The following SAR1B variants were observed in gnomAD, a reference collection of about 807,000 sequenced individuals.
SAR1B encodes the protein small COPII coat GTPase SAR1B.
A neutral mutation model predicts 26.8 loss-of-function variants in SAR1B; 23 were observed. The ratio of observed to expected loss-of-function variants is 0.86; its 90% CI spans 0.62 to 1.22. The LOEUF is 1.22. SAR1B is among the 50% of genes most tolerant of loss of function. The probability of loss-of-function intolerance (pLI) is 0.00; values close to 1 mark genes in which losing one functional copy is unlikely to be tolerated. For missense variants in SAR1B, 196 were observed against 232.8 expected (o/e 0.84, Z 1.03); for synonymous variants, 65 against 80.8 (o/e 0.80, Z 1.05).
intron 2 of SAR1B, among the ~76,000 whole-genome samples, chr5:134,622,862 C>G (rs1765433204): frequency 6.6e-6 from 1 of 151,548 alleles, no homozygotes; most frequent in African/African-American, 2.4e-5. Context: ...TGGCTCACGC[C>G]TGTAATCCTA....
chr5:134,625,504 G>C (rs756556864), intron 1 of SAR1B, among the ~76,000 whole-genome samples: 2 of 152,250 alleles, frequency 1.3e-5, no homozygotes, highest in South Asian at 4.2e-4. Flanking sequence ...TCAAAGGCAG[G>C]CTTCTCAACA....
Position 134,605,815 on chromosome 5 carries a change from T to C in SAR1B, c.*1135A>G, listed in dbSNP as rs959856322. ...TATGCCAAAGAATACAAAAGAGCTATAGGATAGGAACAAAATCTCCACATA... is the reference window on the plus strand; with the variant it reads ...TATGCCAAAGAATACAAAAGAGCTACAGGATAGGAACAAAATCTCCACATA... On this transcript the variant is annotated 3_prime_UTR_variant, in exon 7 of 7. Coordinates refer to ENST00000402673, the MANE Select transcript of SAR1B (RefSeq NM_016103.4). The C allele has an allele frequency of 2.0e-5, 3 of 152,188 alleles. No individual in the cohort carries two copies. Among genetic ancestry groups the C allele is most frequent in the East Asian group, 1.9e-4 (1 of 5,204 alleles). The allele number at this position is 152,188 out of a possible 1,614,324, so 9.4% of individuals were successfully genotyped here. A position where few individuals can be genotyped will look rare whatever the true frequency, so the allele number is the denominator to read the frequency against.
At chr5:134,618,967 C>T (rs566707849) in intron 3 of SAR1B, among the ~76,000 whole-genome samples, 1 of 149,732 alleles carries the variant, frequency 6.7e-6, no homozygotes, top group East Asian at 2.0e-4. Flanking sequence ...CACTGCACTT[C>T]AGCCTAGGCA....
At chr5:134,622,289 T>G (rs1765422566) in intron 2 of SAR1B, among the ~76,000 whole-genome samples, 1 of 152,182 alleles carries the variant, frequency 6.6e-6, no homozygotes, top group African/African-American at 2.4e-5. Flanking sequence ...CTTCTATGAC[T>G]GTCACTACTA....
Position 134,606,894 on chromosome 5 carries a change from A to C in SAR1B, c.*56T>G. Reference sequence around the variant, plus strand: ...TGAATTCAAGTTATGCATGTTGAGCAATCAAATCTCTGAGTAAGCCTGAAC... The same window carrying C: ...TGAATTCAAGTTATGCATGTTGAGCCATCAAATCTCTGAGTAAGCCTGAAC... On this transcript the variant is annotated 3_prime_UTR_variant, in exon 7 of 7. Coordinates refer to ENST00000402673, the MANE Select transcript of SAR1B (RefSeq NM_016103.4). 1 of 1,089,366 alleles carries C rather than the reference A, an allele frequency of 9.2e-7. No individual in the cohort carries two copies. Among genetic ancestry groups the C allele is most frequent in the South Asian group, 1.2e-5 (1 of 80,398 alleles). The allele number at this position is 1,089,366 out of a possible 1,614,324, so 67.5% of individuals were successfully genotyped here. A position where few individuals can be genotyped will look rare whatever the true frequency, so the allele number is the denominator to read the frequency against.
rs781218368 is a variant in SAR1B at position 134,630,889 on chromosome 5, C to CTTTTTTTTTTTTTTTTTTTTTTTTTT, written c.-19+1813_-19+1838dup. ...TTTCCTTTTCTATTTCTTTTTTTTT[C>CTTTTTTTTTTTTTTTTTTTTTTTTTT]TTTTTTTTTTTTTTTTTTTTTTTTT... On this transcript the variant is annotated intron_variant, in intron 1 of 6. Transcript: ENST00000402673. Among the ~76,000 whole-genome samples the CTTTTTTTTTTTTTTTTTTTTTTTTTT allele has an allele frequency of 3.8e-4, 26 of 69,144 alleles. 2 individuals carry two copies. The highest frequency in any genetic ancestry group is 9.6e-4 in the South Asian group (2 of 2,086). The allele number at this position is 69,144 out of a possible 152,430, so 45.4% of individuals were successfully genotyped here. A position where few individuals can be genotyped will look rare whatever the true frequency, so the allele number is the denominator to read the frequency against.
rs747879311 is a variant in SAR1B at position 134,612,724 on chromosome 5, A to C, written c.211T>G (p.Phe71Val). Residue 71 changes from phenylalanine to valine, a missense_variant, in exon 4 of 7, where the codon TTT (phenylalanine) becomes GTT (valine). Transcript: ENST00000402673. The stretch of plus-strand genomic sequence containing the variant: ...TGTCCACCCAGATCAAAAGTTGTAA[A>C]CGTCATGCCAGCAATGGTCAGTTCT... ...SEELTIAGMT[F>V]TTFDLGGHVQ... 1 of 1,589,808 alleles carries C rather than the reference A, an allele frequency of 6.3e-7. No homozygotes were observed. The highest frequency in any genetic ancestry group is 2.3e-5 in the East Asian group (1 of 42,562).
At chr5:134,608,745 A>T (rs568912583) in intron 5 of SAR1B, among the ~76,000 whole-genome samples, 2 of 152,324 alleles carry the variant, frequency 1.3e-5, no homozygotes, top group South Asian at 4.1e-4. Context: ...AGTGACATAG[A>T]ACGTATAGAG....
intron 3 of SAR1B, chr5:134,613,919 A>G (rs1346212092): frequency 6.6e-6 from 1 of 152,148 alleles, no homozygotes; most frequent in African/African-American, 2.4e-5. Context: ...TCTGTGCTTC[A>G]TTCTGGAGTT....
intron 3 of SAR1B, among the ~76,000 whole-genome samples, chr5:134,619,874 C>T (rs2150053825): frequency 6.6e-6 from 1 of 152,152 alleles, no homozygotes; most frequent in Non-Finnish European, 1.5e-5. Context: ...AATCCCAACA[C>T]TTTGGGAGGC....
At chr5:134,627,801 A>T (rs201795397) in intron 1 of SAR1B, among the ~76,000 whole-genome samples, 9 of 134,454 alleles carry the variant, frequency 6.7e-5, no homozygotes, top group East Asian at 2.3e-4. Flanking sequence ...TCCATCCCAA[A>T]AAATAAATAA....
chr5:134,606,521 C>A lies in SAR1B; in HGVS notation c.*429G>T. The A allele has an allele frequency of 5.4e-6, 1 of 185,854 alleles. No individual in the cohort carries two copies. Among genetic ancestry groups the A allele is most frequent in the Non-Finnish European group, 1.2e-5 (1 of 86,784 alleles). 11.5% of individuals were successfully genotyped at this position (185,854 alleles called of 1,614,324 possible). ...AGGCATCATGCAATCATTGAATAAGCTAATTATTAACTGTACACTTAAGAT... is the reference window on the plus strand; with the variant it reads ...AGGCATCATGCAATCATTGAATAAGATAATTATTAACTGTACACTTAAGAT... On this transcript the variant is annotated 3_prime_UTR_variant, in exon 7 of 7. Coordinates refer to ENST00000402673, the MANE Select transcript of SAR1B (RefSeq NM_016103.4).
chr5:134,622,654 C>T (rs1217260762), intron 2 of SAR1B, among the ~76,000 whole-genome samples: 1 of 151,392 alleles, frequency 6.6e-6, no homozygotes, highest in Non-Finnish European at 1.5e-5. Flanking sequence ...TCATGATCTG[C>T]CTGCCTCGGC....
intron 6 of SAR1B, among the ~76,000 whole-genome samples, chr5:134,607,991 G>A (rs1422480176): frequency 3.9e-5 from 6 of 152,046 alleles, no homozygotes; most frequent in South Asian, 2.1e-4. Context: ...TCAGAAAACC[G>A]TAAAATATTC....
intron 1 of SAR1B, chr5:134,631,957 T>C (rs1765612542): frequency 6.6e-6 from 1 of 152,292 alleles, no homozygotes; most frequent in South Asian, 2.1e-4. Context: ...CCCAGCACTT[T>C]GGGAGGCCGA....
intron 1 of SAR1B, among the ~76,000 whole-genome samples, chr5:134,624,807 T>C (rs941328248): frequency 3.3e-5 from 5 of 152,054 alleles, no homozygotes; most frequent in South Asian, 4.1e-4. Context: ...TTTATATTTT[T>C]AGTAGAGACT....
At position 134,608,353 on chromosome 5, in the gene SAR1B, A is replaced by AT. The variant is rs199526981; in HGVS notation, c.480+18dup. The AT allele has an allele frequency of 0.016, 22,540 of 1,453,582 alleles. 8 individuals are homozygous for AT. Among genetic ancestry groups the AT allele is most frequent in the Non-Finnish European group, 0.017 (18,703 of 1,072,180 alleles). The allele number at this position is 1,453,582 out of a possible 1,614,324, so 90.0% of individuals were successfully genotyped here. Reference sequence around the variant, plus strand: ...TGTAGAATTAAACACACCCATCATAATTTTTTTTTTTTTTTTACCTTTCCT... The same window carrying AT: ...TGTAGAATTAAACACACCCATCATAATTTTTTTTTTTTTTTTTACCTTTCCT... On this transcript the variant is annotated intron_variant, in intron 6 of 6. Transcript: ENST00000402673.
intron 5 of SAR1B, chr5:134,609,034 G>A (rs955575767): frequency 2.2e-6 from 1 of 455,524 alleles, no homozygotes; most frequent in African/African-American, 2.0e-5. Context: ...GCCATGGTAT[G>A]ATCAACCTTC....
intron 3 of SAR1B, among the ~76,000 whole-genome samples, chr5:134,620,083 G>A (rs1467970984): frequency 6.6e-6 from 1 of 152,072 alleles, no homozygotes; most frequent in Non-Finnish European, 1.5e-5. Context: ...GAGGAAGGCG[G>A]ATCACAAGGT....
Sources: allele counts gnomAD v4.1 joint callset (sites outside exome capture counted in the v4.1 genomes callset), GRCh38; gene constraint gnomAD v4.1.1; transcripts MANE v1.5; gene names NCBI Gene and HGNC (gene_info 2026-07-23, HGNC 2026-07-21).